Variants in COL24A1 observed in about 807,000 individuals in gnomAD.
COL24A1 encodes the protein collagen type XXIV alpha 1 chain.
In COL24A1, 224 loss-of-function variants were observed where a neutral mutation model predicts 253.9. That is an observed-to-expected ratio of 0.88 (90% CI 0.79 to 0.99). The LOEUF (loss-of-function observed/expected upper bound fraction) is 0.99, where lower values mean the gene tolerates loss of function less well. Ranked by LOEUF, COL24A1 falls within the 50% of genes least tolerant of loss-of-function variation. The pLI is 0.00. For synonymous variants in COL24A1, 685 were observed against 673.7 expected (o/e 1.02, Z -0.26); for missense variants, 2,131 against 2,068.5 (o/e 1.03, Z -0.59).
At chr1:85,841,993 C>T in intron 41 of COL24A1, 75 bp downstream of exon 41, 1 of 1,290,066 alleles carries the variant, frequency 7.8e-7, no homozygotes. Flanking sequence ...GAAAATTTTT[C>T]CATGCAGTCT....
intron 57 of COL24A1, among the ~76,000 whole-genome samples, chr1:85,738,773 C>T (rs1042407673): frequency 4.6e-5 from 7 of 152,262 alleles, no homozygotes; most frequent in East Asian, 1.9e-4. Flanking sequence ...CTAAAACATC[C>T]TCAAATATTC....
intron 7 of COL24A1, among the ~76,000 whole-genome samples, chr1:86,069,068 C>CTCCT (rs1701686692): frequency 6.6e-6 from 1 of 152,162 alleles, no homozygotes. Context: ...CAGTGAAAGA[C>CTCCT]TCCTTTTGTT....
At chr1:86,068,489 C>A (rs1701648380) in intron 7 of COL24A1, among the ~76,000 whole-genome samples, 1 of 152,150 alleles carries the variant, frequency 6.6e-6, no homozygotes, top group Non-Finnish European at 1.5e-5. Flanking sequence ...GCAAGCCTTA[C>A]CACCATGGGC....
chr1:85,994,043 C>T (rs997810834), intron 19 of COL24A1, among the ~76,000 whole-genome samples: 4 of 151,950 alleles, frequency 2.6e-5, no homozygotes, highest in Admixed American at 6.6e-5. Flanking sequence ...CCATTTAACT[C>T]CCATGGAAAA....
intron 10 of COL24A1, among the ~76,000 whole-genome samples, chr1:86,051,124 A>G (rs1034464780): frequency 2.0e-5 from 3 of 152,186 alleles, no homozygotes; most frequent in Non-Finnish European, 2.9e-5. Flanking sequence ...ACCTGTTAGA[A>G]GGCTCTTTAA....
chr1:86,081,319 T>G (rs1387466467), intron 7 of COL24A1, among the ~76,000 whole-genome samples: 2 of 152,232 alleles, frequency 1.3e-5, no homozygotes, highest in African/African-American at 4.8e-5. Flanking sequence ...GAAGTTTTTT[T>G]TTTTTGAAAG....
At position 86,022,573 on chromosome 1, in the gene COL24A1, C is replaced by T. The variant is rs780936339; in HGVS notation, c.2167G>A (p.Gly723Arg). 1.9e-6 allele frequency: 3 copies of T among 1,612,918 alleles called. No homozygotes were observed. In the Admixed American group the frequency reaches 5.0e-5, roughly 27 times the overall value. ...KGDKGEQGTAGELGEPGYPGD... is the reference protein window; with the variant it reads ...KGDKGEQGTARELGEPGYPGD... ...GGATACCCGGGTTCTCCTAGCTCTC[C>T]TGCTGTGCCTTGTTCACCCTGGAAA... Residue 723 changes from glycine to arginine, a missense_variant, in exon 17 of 60, where the codon GGA becomes AGA. Gly to Arg is a moderately radical substitution (Grantham distance 125). Coordinates refer to ENST00000370571, the MANE Select transcript of COL24A1 (RefSeq NM_152890.7).
intron 24 of COL24A1, among the ~76,000 whole-genome samples, chr1:85,933,683 G>C (rs1223414110): frequency 2.0e-5 from 3 of 152,132 alleles, no homozygotes; most frequent in Non-Finnish European, 4.4e-5. Context: ...TCAGACAAAT[G>C]CAAGTGAGAA....
intron 19 of COL24A1, among the ~76,000 whole-genome samples, chr1:86,007,950 T>C (rs886331920): frequency 1.3e-5 from 2 of 152,166 alleles, no homozygotes; most frequent in Non-Finnish European, 2.9e-5. Flanking sequence ...CTAACACTAA[T>C]GTAAACTATG....
chr1:85,913,106 GT>G (rs1433061642), intron 24 of COL24A1, among the ~76,000 whole-genome samples: 1 of 152,142 alleles, frequency 6.6e-6, no homozygotes, highest in African/African-American at 2.4e-5. Flanking sequence ...CTAGTTGGAA[GT>G]GATTTAATAA....
chr1:86,053,745 T>G (rs1700482387), intron 10 of COL24A1, among the ~76,000 whole-genome samples: 1 of 152,090 alleles, frequency 6.6e-6, no homozygotes, highest in African/African-American at 2.4e-5. Context: ...TGATGTGTTT[T>G]AAACATTTAC....
At chr1:86,146,549 T>C (rs1308331149) in intron 1 of COL24A1, among the ~76,000 whole-genome samples, 2 of 151,586 alleles carry the variant, frequency 1.3e-5, no homozygotes, top group Admixed American at 6.6e-5. Flanking sequence ...TCATATATTA[T>C]GTTAAATTAC....
chr1:85,833,095 C>T (rs184608515), intron 43 of COL24A1, among the ~76,000 whole-genome samples: 1,537 of 152,060 alleles, frequency 0.01, 26 homozygotes, highest in African/African-American at 0.035. Context: ...TTTTGAGATA[C>T]GTCCCATCAA....
intron 32 of COL24A1, chr1:85,883,724 C>T (rs1474801940): frequency 6.6e-6 from 1 of 152,116 alleles, no homozygotes; most frequent in Non-Finnish European, 1.5e-5. Context: ...AATCCCTGTA[C>T]TAACCAGTCC....
chr1:85,873,127 A>G (rs1172569199), intron 35 of COL24A1, among the ~76,000 whole-genome samples: 2 of 152,210 alleles, frequency 1.3e-5, no homozygotes, highest in Admixed American at 6.5e-5. Flanking sequence ...AATCAAAACC[A>G]CAATGAGATA....
At chr1:85,861,182 A>T (rs1345108874) in intron 37 of COL24A1, among the ~76,000 whole-genome samples, 1 of 152,110 alleles carries the variant, frequency 6.6e-6, no homozygotes, top group African/African-American at 2.4e-5. Context: ...GTAGGTATGA[A>T]GTGGTATCTC....
At chr1:85,876,084 G>C (rs1416181757) in intron 33 of COL24A1, among the ~76,000 whole-genome samples, 1 of 151,852 alleles carries the variant, frequency 6.6e-6, no homozygotes, top group African/African-American at 2.4e-5. Context: ...TATCCTAAAG[G>C]CCATGAGAGC....
chr1:86,043,773 G>A (rs12729383), intron 12 of COL24A1, among the ~76,000 whole-genome samples: 10,510 of 152,140 alleles, frequency 0.069, 469 homozygotes, highest in Middle Eastern at 0.13. Flanking sequence ...TGATCCGCCC[G>A]CCTCGGCCCC....
intron 13 of COL24A1, 132 bp downstream of exon 13, chr1:86,033,738 T>G (rs1698772555): frequency 2.3e-5 from 16 of 708,238 alleles, no homozygotes; most frequent in Non-Finnish European, 3.3e-5. Flanking sequence ...CAAACTGGAA[T>G]GTGCACAGTG....
Sources: allele counts gnomAD v4.1 joint callset (sites outside exome capture counted in the v4.1 genomes callset), GRCh38; gene constraint gnomAD v4.1.1; transcripts MANE v1.5; gene names NCBI Gene and HGNC (gene_info 2026-07-23, HGNC 2026-07-21).